Variants in SLC12A3 observed in about 807,000 individuals in gnomAD.
SLC12A3 encodes the protein solute carrier family 12 member 3, also known as Na-Cl cotransporter.
Under a neutral mutation model 121.0 loss-of-function variants are expected in SLC12A3, and 104 were observed. The ratio of observed to expected loss-of-function variants is 0.86; its 90% confidence interval spans 0.73 to 1.01. The LOEUF (loss-of-function observed/expected upper bound fraction) is 1.01, where lower values mean the gene tolerates loss of function less well. Among genes scored for constraint, SLC12A3 ranks in the 50% least tolerant of loss-of-function variants. SLC12A3 has a pLI of 0.00. For missense variants in SLC12A3, 1,328 were observed against 1,356.3 expected (o/e 0.98, Z 0.33); for synonymous variants, 536 against 533.4 (o/e 1.00, Z -0.07).
At chr16:56,872,578 G>T in intron 7 of SLC12A3, 78 bp from the exon 8 acceptor site, 2 of 1,605,938 alleles carry the variant, frequency 1.2e-6, no homozygotes, top group Non-Finnish European at 1.7e-6. Flanking sequence ...ATGGTCAGGG[G>T]CTGCCTGCCC....
At position 56,884,084 on chromosome 16, in the gene SLC12A3, G is replaced by A; in HGVS notation, c.1705G>A (p.Ala569Thr). 1 of 1,614,252 alleles carries A rather than the reference G, an allele frequency of 6.2e-7. No individual in the cohort carries two copies. Among genetic ancestry groups the A allele is most frequent in the Non-Finnish European group, 8.5e-7 (1 of 1,180,036 alleles). Residue 569 changes from alanine to threonine, a missense_variant, in exon 14 of 26, where the codon GCG (alanine) becomes ACG (threonine). Coordinates refer to ENST00000563236, the MANE Select transcript of SLC12A3 (RefSeq NM_001126108.2). ...RPSFQYYNKW[A>T]ALFGAIISVV... ...TTCATTCCAATACTACAACAAGTGGGCGGCGCTGTTTGGGGCTATCATCTC... is the reference window on the plus strand; with the variant it reads ...TTCATTCCAATACTACAACAAGTGGACGGCGCTGTTTGGGGCTATCATCTC...
At chr16:56,881,944 G>T (rs1452777507) in intron 12 of SLC12A3, among the ~76,000 whole-genome samples, 1 of 151,850 alleles carries the variant, frequency 6.6e-6, no homozygotes, top group Non-Finnish European at 1.5e-5. Context: ...AGCTACTAGG[G>T]AGGCTGAGGC....
At chr16:56,893,261 G>A (rs796750870) in intron 21 of SLC12A3, among the ~76,000 whole-genome samples, 4 of 152,338 alleles carry the variant, frequency 2.6e-5, no homozygotes, top group African/African-American at 9.6e-5. Flanking sequence ...AGCTGAAGTC[G>A]CCATGAGATG....
intron 1 of SLC12A3, 110 bp downstream of exon 1, chr16:56,865,627 C>T (rs1199587082): frequency 1.1e-5 from 13 of 1,224,818 alleles, no homozygotes; most frequent in South Asian, 3.7e-5. Flanking sequence ...GATGGAGGAG[C>T]GTCTTCTTCC....
chr16:56,909,926 G>C (rs569372849), intron 25 of SLC12A3, among the ~76,000 whole-genome samples: 19 of 152,324 alleles, frequency 1.2e-4, no homozygotes, highest in African/African-American at 3.4e-4. Flanking sequence ...TCACTAATCA[G>C]TGGGTTATCA....
intron 3 of SLC12A3, among the ~76,000 whole-genome samples, chr16:56,868,657 G>T (rs1295949601): frequency 6.6e-6 from 1 of 152,152 alleles, no homozygotes; most frequent in Non-Finnish European, 1.5e-5. Context: ...ACCTCAAAGC[G>T]TGCAGGTTAG....
In SLC12A3 at chr16:56,879,244, T is replaced by C; in HGVS notation, c.1335+17T>C. ...TATTACCAGGTACTGCCAGGAGAGC[T>C]GACCCACCAGACACAGTGGGGGCTG... On this transcript the variant is annotated intron_variant, in intron 10 of 25. Transcript: ENST00000563236. 1 of 1,613,676 alleles carries C rather than the reference T, an allele frequency of 6.2e-7. No homozygotes were observed. Among genetic ancestry groups the C allele is most frequent in the Non-Finnish European group, 8.5e-7 (1 of 1,180,006 alleles).
chr16:56,911,053 G>T (rs1302032776), intron 25 of SLC12A3, among the ~76,000 whole-genome samples: 1 of 152,208 alleles, frequency 6.6e-6, no homozygotes, highest in Non-Finnish European at 1.5e-5. Flanking sequence ...ACATAGGTGT[G>T]TTGGATGTTC....
At chr16:56,866,959 G>A (rs1964368608) in intron 1 of SLC12A3, 111 bp from the exon 2 acceptor site, 9 of 1,429,792 alleles carry the variant, frequency 6.3e-6, no homozygotes, top group Admixed American at 1.7e-5. Flanking sequence ...GTGGGCTGAG[G>A]GGTCGGGGGG....
At chr16:56,884,252 C>T in intron 14 of SLC12A3, 48 bp downstream of exon 14, 1 of 1,606,014 alleles carries the variant, frequency 6.2e-7, no homozygotes, top group Non-Finnish European at 8.5e-7. Flanking sequence ...CCAGGGTAGC[C>T]ATGCAGGCGG....
In SLC12A3 at chr16:56,894,557, C is replaced by T. The variant is rs765240540; in HGVS notation, c.2548C>T (p.Leu850Phe). 3 of 1,613,866 alleles carry T rather than the reference C, an allele frequency of 1.9e-6. No homozygotes were observed. Among genetic ancestry groups the T allele is most frequent in the Admixed American group, 1.7e-5 (1 of 59,980 alleles). ...CCTCACCCTCCTCATTCCCTATCTC[C>T]TTGGCCGCAAGAGGAGGTGGAGCAA... ...GGLTLLIPYL[L>F]GRKRRWSKCK... Residue 850 changes from leucine to phenylalanine, a missense_variant, in exon 22 of 26, where the codon CTT (leucine) becomes TTT (phenylalanine). By Grantham distance (22) the Leu-to-Phe change is conservative (BLOSUM62 0). Transcript: ENST00000563236.
chr16:56,887,780 A>G lies in SLC12A3; in HGVS notation c.2179-145A>G, dbSNP rs1163468287. The G allele has an allele frequency of 2.0e-4, 18 of 91,932 alleles. 2 individuals carry two copies. Among genetic ancestry groups the G allele is most frequent in the Non-Finnish European group, 2.3e-5 (1 of 44,376 alleles). The allele number at this position is 91,932 out of a possible 1,614,324, so 5.7% of individuals were successfully genotyped here. A position where few individuals can be genotyped will look rare whatever the true frequency, so the allele number is the denominator to read the frequency against. Reference sequence around the variant, plus strand: ...AACAAAAATTTTTAAGATTATATATATATATATATATATATATATTTTTTT... The same window carrying G: ...AACAAAAATTTTTAAGATTATATATGTATATATATATATATATATTTTTTT... On this transcript the variant is annotated intron_variant, in intron 17 of 25. Transcript: ENST00000563236.
intron 21 of SLC12A3, among the ~76,000 whole-genome samples, chr16:56,893,966 TTTTATTTTATTTATTTA>T (rs1277785800): frequency 1.9e-5 from 2 of 106,612 alleles, no homozygotes; most frequent in Admixed American, 9.5e-5. Context: ...TTATTTTTAT[TTTTATTTTATTTATTTA>T]TTTATTTATT....
At chr16:56,896,650 C>G (rs1232130882) in intron 22 of SLC12A3, among the ~76,000 whole-genome samples, 1 of 152,096 alleles carries the variant, frequency 6.6e-6, no homozygotes, top group Non-Finnish European at 1.5e-5. Context: ...CCACTTGAGG[C>G]TGAGGCAGGA....
chr16:56,870,613 T>A lies in SLC12A3; in HGVS notation c.742-13T>A, dbSNP rs760425579. The A allele has an allele frequency of 2.6e-6, 4 of 1,563,376 alleles. No homozygotes were observed. In the Admixed American group the frequency reaches 6.7e-5, roughly 26 times the overall value. ...GAGGGTGGCTTGCAGCCTGGCCCAT[T>A]TTCCCTCCCCAGGAGTATGGGGCAC... On this transcript the variant is annotated splice_polypyrimidine_tract_variant and intron_variant, in intron 5 of 25. Coordinates refer to ENST00000563236, the MANE Select transcript of SLC12A3 (RefSeq NM_001126108.2).
intron 25 of SLC12A3, chr16:56,906,887 G>A (rs2055614702): frequency 3.5e-6 from 2 of 568,642 alleles, no homozygotes; most frequent in Non-Finnish European, 6.6e-6. Flanking sequence ...AGGAAGTTAA[G>A]GGGACTGTAA....
chr16:56,885,019 G>A (rs1046399320), intron 14 of SLC12A3, among the ~76,000 whole-genome samples: 1 of 152,040 alleles, frequency 6.6e-6, no homozygotes, highest in Non-Finnish European at 1.5e-5. Context: ...CGCCTGCCTC[G>A]GCCTCCCAAA....
In SLC12A3 at chr16:56,879,543, C is replaced by T. The variant is rs1253638511; in HGVS notation, c.1337C>T (p.Thr446Ile). ...CHYGLINYYQ[T>I]MSMVSGFAPL... ...TCCCTGAGCCCCAAATCCCCACAGACCATGAGCATGGTGTCAGGCTTCGCG... is the reference window on the plus strand; with the variant it reads ...TCCCTGAGCCCCAAATCCCCACAGATCATGAGCATGGTGTCAGGCTTCGCG... Residue 446 changes from threonine to isoleucine, a missense_variant and splice_region_variant, in exon 11 of 26, where the codon ACC becomes ATC. Transcript: ENST00000563236. The T allele has an allele frequency of 1.2e-6, 2 of 1,612,830 alleles. No individual in the cohort carries two copies. The highest frequency in any genetic ancestry group is 1.7e-6 in the Non-Finnish European group (2 of 1,179,268).
chr16:56,896,605 T>A (rs149654746), intron 22 of SLC12A3, among the ~76,000 whole-genome samples: 3 of 151,954 alleles, frequency 2.0e-5, no homozygotes, highest in Non-Finnish European at 2.9e-5. Flanking sequence ...AAAAAAAAAT[T>A]AACTGTGAAT....
Sources: allele counts gnomAD v4.1 joint callset (sites outside exome capture counted in the v4.1 genomes callset), GRCh38; gene constraint gnomAD v4.1.1; transcripts MANE v1.5; gene names NCBI Gene and HGNC (gene_info 2026-07-23, HGNC 2026-07-21).